Variants in CHSY3 observed in about 807,000 individuals in gnomAD.
CHSY3 encodes chondroitin sulfate synthase 3, also known as N-acetylgalactosaminyl-proteoglycan 3-beta-glucuronosyltransferase 3.
A neutral mutation model predicts 67.2 loss-of-function variants in CHSY3; 35 were observed. The observed-to-expected ratio is 0.52, with a 90% CI of 0.40 to 0.69. The LOEUF is 0.69. Ranked by LOEUF, CHSY3 falls within the 30% of genes least tolerant of loss-of-function variation. The pLI, the probability that CHSY3 is intolerant of heterozygous loss-of-function variation, is 0.00. For missense variants in CHSY3, 1,069 were observed against 1,138.5 expected (o/e 0.94, Z 0.88); for synonymous variants, 474 against 434.7 (o/e 1.09, Z -1.12).
At chr5:130,016,777 G>T (rs992447570) in intron 2 of CHSY3, among the ~76,000 whole-genome samples, 22 of 152,226 alleles carry the variant, frequency 1.4e-4, no homozygotes, top group South Asian at 1.0e-3. Context: ...ATCATATTAC[G>T]TATTAATTAG....
Position 130,185,192 on chromosome 5 carries a change from G to A in CHSY3, c.2050G>A (p.Ala684Thr). 1.2e-6 allele frequency: 2 copies of A among 1,611,482 alleles called. No individual in the cohort carries two copies. Among genetic ancestry groups the A allele is most frequent in the Non-Finnish European group, 1.7e-6 (2 of 1,177,674 alleles). Residue 684 changes from alanine to threonine, a missense_variant, in exon 3 of 3, where the codon GCA becomes ACA. This residue lies in a region of CHSY3 where 401 missense variants were observed against 395.2 expected (regional missense o/e 1.01). Coordinates refer to ENST00000305031, the MANE Select transcript of CHSY3 (RefSeq NM_175856.5). ...IKGYQNKYPKAEMTLIPMKGE... is the reference protein window; with the variant it reads ...IKGYQNKYPKTEMTLIPMKGE... ...AGGGTACCAGAACAAGTACCCCAAA[G>A]CAGAAATGACCCTGATCCCAATGAA...
intron 2 of CHSY3, among the ~76,000 whole-genome samples, chr5:129,955,941 T>C (rs574241967): frequency 5.3e-4 from 80 of 152,326 alleles, no homozygotes; most frequent in African/African-American, 1.6e-3. Context: ...CAGTCTATCA[T>C]TGATGAACAT....
chr5:129,978,432 G>A (rs1762875071), intron 2 of CHSY3, among the ~76,000 whole-genome samples: 1 of 152,012 alleles, frequency 6.6e-6, no homozygotes, highest in Admixed American at 6.6e-5. Flanking sequence ...TTTTACATAT[G>A]TACACATGAG....
chr5:129,954,289 T>G (rs1381894749), intron 2 of CHSY3, among the ~76,000 whole-genome samples: 7 of 152,188 alleles, frequency 4.6e-5, no homozygotes, highest in African/African-American at 1.4e-4. Context: ...CAGATGGTTG[T>G]AAATGTGTGG....
intron 2 of CHSY3, among the ~76,000 whole-genome samples, chr5:129,971,626 T>C (rs1762642892): frequency 6.6e-6 from 1 of 151,976 alleles, no homozygotes; most frequent in South Asian, 2.1e-4. Context: ...TGTCTAATGC[T>C]ATATTGTTAA....
At chr5:129,908,667 C>G (rs1656382385) in intron 2 of CHSY3, among the ~76,000 whole-genome samples, 1 of 152,066 alleles carries the variant, frequency 6.6e-6, no homozygotes, top group Admixed American at 6.6e-5. Flanking sequence ...AATCTATTTC[C>G]CTTTTCTAAC....
chr5:130,049,251 A>G (rs950195588), intron 2 of CHSY3, among the ~76,000 whole-genome samples: 2 of 152,120 alleles, frequency 1.3e-5, no homozygotes, highest in African/African-American at 2.4e-5. Context: ...TTTGATTTTC[A>G]TGATTGAAAT....
chr5:130,167,584 C>T lies in CHSY3; in HGVS notation c.1087-16645C>T, dbSNP rs1333687675. On this transcript the variant is annotated intron_variant, in intron 2 of 2. Transcript: ENST00000305031. Reference sequence around the variant, plus strand: ...GGAAATGTTAAGGCCATCTTGGCCACGCATTGATGGGTATTGGATTTTACT... The same window carrying T: ...GGAAATGTTAAGGCCATCTTGGCCATGCATTGATGGGTATTGGATTTTACT... Among the ~76,000 whole-genome samples the T allele has an allele frequency of 2.6e-5, 4 of 152,200 alleles. No individual in the cohort carries two copies. In the South Asian group the frequency reaches 6.2e-4, roughly 24 times the overall value.
chr5:129,953,838 C>G (rs1266189200), intron 2 of CHSY3, among the ~76,000 whole-genome samples: 2 of 151,890 alleles, frequency 1.3e-5, no homozygotes. Context: ...TTGTTTTTTT[C>G]TTGTTAATTT....
chr5:130,091,389 C>A (rs889152769), intron 2 of CHSY3, among the ~76,000 whole-genome samples: 4 of 152,126 alleles, frequency 2.6e-5, no homozygotes, highest in African/African-American at 9.7e-5. Flanking sequence ...TGAATTTCTA[C>A]TTGGTAAAGA....
intron 2 of CHSY3, among the ~76,000 whole-genome samples, chr5:130,071,035 T>C (rs892493658): frequency 5.9e-5 from 9 of 152,020 alleles, no homozygotes; most frequent in African/African-American, 2.2e-4. Context: ...ATTAGATAGA[T>C]AGACAGAGAG....
Position 130,181,191 on chromosome 5 carries a change from G to A in CHSY3, c.1087-3038G>A, listed in dbSNP as rs139599648. On this transcript the variant is annotated intron_variant, in intron 2 of 2. Coordinates refer to ENST00000305031, the MANE Select transcript of CHSY3 (RefSeq NM_175856.5). ...TTTTTCTTTGCCGTGTAATGTTCTG[G>A]AGGTTCCATGAAATCCACTGATAAT... 2.0e-3 allele frequency among the ~76,000 whole-genome samples: 297 copies of A among 152,234 alleles called. 2 individuals carry two copies. The highest frequency in any genetic ancestry group is 6.8e-3 in the Middle Eastern group (2 of 294).
intron 2 of CHSY3, among the ~76,000 whole-genome samples, chr5:130,143,734 G>GTGTGTGTATATATATATA (rs1223966105): frequency 5.3e-5 from 5 of 94,662 alleles, no homozygotes; most frequent in Admixed American, 1.2e-4. Context: ...GTGTGTGTGT[G>GTGTGTGTATATATATATA]TATATATATA....
chr5:130,185,156 G>C lies in CHSY3; in HGVS notation c.2014G>C (p.Glu672Gln). Reference protein sequence around the residue: ...DSGQDSSKHIELIKGYQNKYP... With the variant: ...DSGQDSSKHIQLIKGYQNKYP... ...TGGCCAAGACTCCAGCAAGCATATT[G>C]AGCTGATAAAAGGGTACCAGAACAA... The change falls in exon 3 of 3, where the codon GAG becomes CAG. Residue 672 changes from glutamate to glutamine, a missense_variant. Coordinates refer to ENST00000305031, the MANE Select transcript of CHSY3 (RefSeq NM_175856.5). 1.9e-6 allele frequency: 3 copies of C among 1,606,314 alleles called. No homozygotes were observed. Among genetic ancestry groups the C allele is most frequent in the Non-Finnish European group, 1.7e-6 (2 of 1,172,968 alleles).
At chr5:130,181,026 G>GT (rs1280837080) in intron 2 of CHSY3, among the ~76,000 whole-genome samples, 1 of 152,024 alleles carries the variant, frequency 6.6e-6, no homozygotes, top group African/African-American at 2.4e-5. Context: ...CTTCTGTTAG[G>GT]TTTTTTGAGA....
intron 2 of CHSY3, among the ~76,000 whole-genome samples, chr5:130,020,766 G>A (rs998243389): frequency 6.6e-6 from 1 of 152,022 alleles, no homozygotes; most frequent in Non-Finnish European, 1.5e-5. Context: ...TATGAAGTGT[G>A]TATGTAATTC....
At chr5:130,165,617 T>C (rs1406135113) in intron 2 of CHSY3, among the ~76,000 whole-genome samples, 1 of 151,890 alleles carries the variant, frequency 6.6e-6, no homozygotes, top group Non-Finnish European at 1.5e-5. Context: ...TTTATGGTAT[T>C]TTTTTTTCTT....
At chr5:130,024,597 A>G (rs969828953) in intron 2 of CHSY3, among the ~76,000 whole-genome samples, 1 of 152,136 alleles carries the variant, frequency 6.6e-6, no homozygotes, top group South Asian at 2.1e-4. Flanking sequence ...ATTATGTTTT[A>G]CAAAATGTAC....
At chr5:130,153,913 T>TTTGC (rs201623194) in intron 2 of CHSY3, among the ~76,000 whole-genome samples, 7,744 of 148,744 alleles carry the variant, frequency 0.052, 559 homozygotes, top group African/African-American at 0.15. Context: ...GCTGTTTTTG[T>TTTGC]TTGTTTGTTT....
Sources: allele counts gnomAD v4.1 joint callset (sites outside exome capture counted in the v4.1 genomes callset), GRCh38; gene constraint gnomAD v4.1.1; regional missense constraint gnomAD v4.1.1; transcripts MANE v1.5; gene names NCBI Gene and HGNC (gene_info 2026-07-23, HGNC 2026-07-21).